The following DMD variants were observed in gnomAD, a reference collection of about 807,000 sequenced individuals.
DMD encodes mutant dystrophin.
In DMD, 63 loss-of-function variants were observed where a neutral mutation model predicts 330.1. That is an observed-to-expected ratio of 0.19 (90% CI 0.16 to 0.24). The LOEUF (loss-of-function observed/expected upper bound fraction) is 0.24, where lower values mean the gene tolerates loss of function less well. Among genes scored for constraint, DMD ranks in the 10% least tolerant of loss-of-function variants. The pLI is 1.00. For synonymous variants in DMD, 1,223 were observed against 959.8 expected (o/e 1.27, Z -5.07); for missense variants, 3,344 against 2,684.1 (o/e 1.25, Z -5.43).
intron 45 of DMD, among the ~76,000 whole-genome samples, chrX:31,967,657 C>G (rs527584375): frequency 1.1e-3 from 123 of 110,895 alleles, no homozygotes; most frequent in Non-Finnish European, 2.1e-3. Flanking sequence ...TCTTCCTTTA[C>G]GAAACAAGAC....
At chrX:33,246,959 C>A (rs868270919) in intron 1 of DMD, among the ~76,000 whole-genome samples, 3 of 111,421 alleles carry the variant, frequency 2.7e-5, no homozygotes, top group Non-Finnish European at 5.6e-5. Context: ...GCTGGCATTA[C>A]GGGCATGAGC....
chrX:32,332,447 G>A (rs778781941), intron 41 of DMD, among the ~76,000 whole-genome samples: 14 of 57,783 alleles, frequency 2.4e-4, no homozygotes, highest in Non-Finnish European at 3.3e-4. Flanking sequence ...TGTGTGTGGT[G>A]TATGTGCACA....
chrX:32,334,729 T>C (rs947599455), intron 41 of DMD, among the ~76,000 whole-genome samples: 1 of 111,817 alleles, frequency 8.9e-6, no homozygotes, highest in African/African-American at 3.2e-5. Context: ...TTCATCAATC[T>C]GAAATCAAAT....
At chrX:31,814,569 T>C (rs2092569331) in intron 50 of DMD, among the ~76,000 whole-genome samples, 1 of 107,636 alleles carries the variant, frequency 9.3e-6, no homozygotes, top group Non-Finnish European at 1.9e-5. Context: ...GGTTATTCAT[T>C]CCATAGTTAT....
chrX:32,491,529 A>G lies in DMD; in HGVS notation c.2381-11T>C, dbSNP rs1557383843. The stretch of plus-strand genomic sequence containing the variant: ...CTGCATTAACACCCTCTAGAAAGAA[A>G]AAAATAATTAAATATATCCCCTGAA... On this transcript the variant is annotated splice_polypyrimidine_tract_variant and intron_variant, in intron 19 of 78. Coordinates refer to ENST00000357033, the MANE Select transcript of DMD (RefSeq NM_004006.3). 6 of 1,198,675 alleles carry G rather than the reference A, an allele frequency of 5.0e-6. No homozygotes were observed. The highest frequency in any genetic ancestry group is 6.8e-6 in the Non-Finnish European group (6 of 887,537).
At chrX:31,572,430 C>G (rs767606945) in intron 55 of DMD, among the ~76,000 whole-genome samples, 2 of 111,886 alleles carry the variant, frequency 1.8e-5, no homozygotes, top group South Asian at 7.5e-4. Flanking sequence ...TGCAGACTGG[C>G]CTGGCTTTCA....
At chrX:33,027,667 A>C (rs1351813419) in intron 1 of DMD, among the ~76,000 whole-genome samples, 2 of 111,777 alleles carry the variant, frequency 1.8e-5, no homozygotes, top group African/African-American at 6.5e-5. Context: ...GACACAACAA[A>C]AGGGTATGTT....
rs1349954233 is a variant in DMD, at chrX:33,314,966, G to A, written c.7+24293C>T. 1.3e-4 allele frequency among the ~76,000 whole-genome samples: 14 copies of A among 110,637 alleles called. No individual in the cohort carries two copies. In the Admixed American group the frequency reaches 1.3e-3, roughly 11 times the overall value. ...CCCAAGTAGCTGGGATTACAGGCAT[G>A]CACCACCATGCCTGGCTAATTTTGT... is the stretch of plus-strand genomic sequence containing the variant. On this transcript the variant is annotated intron_variant, in intron 1 of 17. Transcript: ENST00000288447.
intron 48 of DMD, among the ~76,000 whole-genome samples, chrX:31,856,301 G>A (rs2093612321): frequency 8.9e-6 from 1 of 112,007 alleles, no homozygotes; most frequent in Non-Finnish European, 1.9e-5. Context: ...ATACTCTAAT[G>A]AGGTAACAAT....
chrX:32,100,391 G>GTA (rs57119778), intron 44 of DMD, among the ~76,000 whole-genome samples: 2,835 of 98,087 alleles, frequency 0.029, 92 homozygotes, highest in African/African-American at 0.1. Flanking sequence ...ATATATATAT[G>GTA]TATATATATA....
intron 1 of DMD, among the ~76,000 whole-genome samples, chrX:33,275,767 C>T (rs2053224722): frequency 1.8e-5 from 2 of 111,997 alleles, no homozygotes; most frequent in African/African-American, 6.5e-5. Flanking sequence ...GCAAAAGAGA[C>T]TGAGTGTTAA....
At chrX:32,729,537 T>C (rs893144234) in intron 7 of DMD, among the ~76,000 whole-genome samples, 16 of 111,714 alleles carry the variant, frequency 1.4e-4, no homozygotes, top group Non-Finnish European at 1.9e-5. Flanking sequence ...GAGTATTATA[T>C]GCTTCAATGT....
intron 1 of DMD, among the ~76,000 whole-genome samples, chrX:33,315,350 A>G (rs1428515709): frequency 2.7e-5 from 3 of 112,320 alleles, no homozygotes; most frequent in Non-Finnish European, 5.6e-5. Flanking sequence ...GTTTATTTTA[A>G]TAATGTATGG....
At chrX:32,518,564 C>T (rs1603635342) in intron 17 of DMD, among the ~76,000 whole-genome samples, 1 of 111,259 alleles carries the variant, frequency 9.0e-6, no homozygotes, top group African/African-American at 3.3e-5. Context: ...GGTTTGGCCA[C>T]GTGACTTTCT....
chrX:32,596,667 T>C (rs1001895321), intron 12 of DMD, among the ~76,000 whole-genome samples: 7 of 110,518 alleles, frequency 6.3e-5, no homozygotes, highest in Non-Finnish European at 1.1e-4. Context: ...TGCCTCAGCC[T>C]CCCGAGTAGC....
chrX:31,852,042 GC>G (rs2093536599), intron 48 of DMD, among the ~76,000 whole-genome samples: 1 of 111,030 alleles, frequency 9.0e-6, no homozygotes, highest in South Asian at 3.9e-4. Context: ...AATCTAGTGA[GC>G]AAGGGGAGAG....
intron 54 of DMD, among the ~76,000 whole-genome samples, chrX:31,634,813 A>G (rs746237878): frequency 9.0e-5 from 10 of 111,431 alleles, no homozygotes; most frequent in Admixed American, 3.8e-4. Flanking sequence ...TTTACTTTGC[A>G]TTACCCGTTT....
At chrX:33,196,990 C>A (rs866120667) in intron 1 of DMD, among the ~76,000 whole-genome samples, 5 of 111,354 alleles carry the variant, frequency 4.5e-5, no homozygotes, top group South Asian at 3.8e-4. Flanking sequence ...ACCTGAAACA[C>A]AACACCTTAC....
At position 31,694,841 on chromosome X, in the gene DMD, C is replaced by T. The variant is rs752881513; in HGVS notation, c.7661-15255G>A. ...TGGTAGTATTGTGAATTAGTAACGG[C>T]CTCCATAAAGACAGTATGAATGTTT... On this transcript the variant is annotated intron_variant, in intron 52 of 78. Transcript: ENST00000357033. Among the ~76,000 whole-genome samples the T allele has an allele frequency of 8.3e-5, 9 of 108,042 alleles. No individual in the cohort carries two copies. In the East Asian group the frequency reaches 2.6e-3, roughly 31 times the overall value. The allele number at this position is 108,042 out of a possible 115,157, so 93.8% of individuals were successfully genotyped here. A position where few individuals can be genotyped will look rare whatever the true frequency, so the allele number is the denominator to read the frequency against.
Sources: gnomAD v4.1 joint callset for allele counts (sites outside exome capture counted in the v4.1 genomes callset) on GRCh38, gnomAD v4.1.1 for gene constraint, MANE v1.5 for transcripts, NCBI Gene and HGNC (gene_info 2026-07-23, HGNC 2026-07-21) for gene names.